The following ZFP14 variants were observed in gnomAD, a reference collection of about 807,000 sequenced individuals.
ZFP14 encodes ZFP14 zinc finger protein, also known as zinc finger protein 14 homolog.
ZFP14 carries 22 observed loss-of-function variants against 54.5 expected under a neutral mutation model. That is an observed-to-expected ratio of 0.40 (90% confidence interval 0.29 to 0.58). ZFP14 has a LOEUF of 0.58. Ranked by LOEUF, ZFP14 falls within the 20% of genes least tolerant of loss-of-function variation. The pLI is 0.39. For synonymous variants in ZFP14, 159 were observed against 204.0 expected, an observed-to-expected ratio of 0.78 and a Z score of 1.88; for missense variants, 470 against 637.8, an observed-to-expected ratio of 0.74 and a Z score of 2.83.
At chr19:36,372,052 A>AAG (rs3085984) in intron 1 of ZFP14, among the ~76,000 whole-genome samples, 96,320 of 143,046 alleles carry the variant, frequency 0.67, 32,788 homozygotes, top group African/African-American at 0.75. Flanking sequence ...AAAGAGAGGA[A>AAG]AGAAAGAAAA....
At chr19:36,371,810 A>T (rs1180363391) in intron 1 of ZFP14, among the ~76,000 whole-genome samples, 1 of 152,074 alleles carries the variant, frequency 6.6e-6, no homozygotes, top group Non-Finnish European at 1.5e-5. Context: ...TTTTAAAAAT[A>T]AGCCAGGTAT....
In ZFP14 at chr19:36,335,561, CAG is replaced by C. The variant is rs2031176423; in HGVS notation, c.*4661_*4662del. On this transcript the variant is annotated 3_prime_UTR_variant, in exon 5 of 5. Transcript: ENST00000270001. ...TTTTATAAGTATCAGATTTTTTAAA[CAG>C]GGAGTTCACACACACACACACACAC... The C allele has an allele frequency of 6.8e-6, 1 of 146,122 alleles. No individual in the cohort carries two copies. The highest frequency in any genetic ancestry group is 1.5e-5 in the Non-Finnish European group (1 of 67,752). The allele number at this position is 146,122 out of a possible 1,614,324, so 9.1% of individuals were successfully genotyped here.
intron 4 of ZFP14, among the ~76,000 whole-genome samples, chr19:36,343,830 T>C (rs1370564425): frequency 1.3e-5 from 2 of 152,050 alleles, no homozygotes; most frequent in African/African-American, 4.8e-5. Context: ...AGGTGTCTCT[T>C]TTGCTTCTTA....
At chr19:36,352,179 GT>G (rs904388027) in intron 4 of ZFP14, among the ~76,000 whole-genome samples, 3 of 136,212 alleles carry the variant, frequency 2.2e-5, no homozygotes, top group African/African-American at 8.6e-5. Context: ...GCCAGACTCT[GT>G]CTCAAAAAAA....
intron 4 of ZFP14, among the ~76,000 whole-genome samples, chr19:36,359,005 C>T (rs999314135): frequency 1.9e-4 from 29 of 152,168 alleles, no homozygotes; most frequent in Admixed American, 1.3e-3. Context: ...TGCAAAGCCT[C>T]GGAATTCAGC....
chr19:36,375,329 A>G (rs2031942785), intron 1 of ZFP14, among the ~76,000 whole-genome samples: 1 of 152,118 alleles, frequency 6.6e-6, no homozygotes, highest in Non-Finnish European at 1.5e-5. Flanking sequence ...GTGTGCCATC[A>G]TGAGATTGAT....
intron 1 of ZFP14, among the ~76,000 whole-genome samples, chr19:36,368,907 G>A (rs1600084096): frequency 6.6e-6 from 1 of 152,136 alleles, no homozygotes; most frequent in South Asian, 2.1e-4. Context: ...GCAATGGCAC[G>A]ATCTCAGCTC....
chr19:36,336,859 A>C lies in ZFP14; in HGVS notation c.*3365T>G, dbSNP rs1215082375. On this transcript the variant is annotated 3_prime_UTR_variant, in exon 5 of 5. Transcript: ENST00000270001. ...ATTATTGAAATTTCAAACACATACA[A>C]AAGTAGAAATATTAGAACAATAAGT... 1 of 152,224 alleles carries C rather than the reference A, an allele frequency of 6.6e-6. No individual in the cohort carries two copies. 9.4% of individuals were successfully genotyped at this position (152,224 alleles called of 1,614,324 possible). A position where few individuals can be genotyped will look rare whatever the true frequency, so the allele number is the denominator to read the frequency against.
rs779506619 is a variant in ZFP14, at chr19:36,362,211, T to C, written c.37A>G (p.Ile13Val). The C allele has an allele frequency of 1.1e-5, 18 of 1,611,446 alleles. No homozygotes were observed. The South Asian group carries it at 1.9e-4, about 17-fold the overall frequency. The change falls in exon 3 of 5, where the codon ATA becomes GTA. Residue 13 changes from isoleucine to valine, a missense_variant. Transcript: ENST00000270001. ...TCCCATTCTTCCTGTGAGAAGTCTA[T>C]GGCCACATCCCTGAATGTCACTGAA... ...HGSVTFRDVA[I>V]DFSQEEWEFL...
At chr19:36,369,297 A>G (rs1246628811) in intron 1 of ZFP14, among the ~76,000 whole-genome samples, 7 of 152,158 alleles carry the variant, frequency 4.6e-5, no homozygotes, top group African/African-American at 1.7e-4. Context: ...TCTCCTTTTA[A>G]TAGCTCAGGA....
intron 1 of ZFP14, among the ~76,000 whole-genome samples, chr19:36,372,758 T>C (rs1035376712): frequency 7.9e-5 from 12 of 152,232 alleles, no homozygotes; most frequent in African/African-American, 2.9e-4. Flanking sequence ...TTCATGTTTA[T>C]TATAGCATTA....
At chr19:36,363,185 TTTTC>T (rs1408442863) in intron 2 of ZFP14, among the ~76,000 whole-genome samples, 3 of 131,842 alleles carry the variant, frequency 2.3e-5, no homozygotes, top group African/African-American at 9.1e-5. Context: ...TATTCTTTTC[TTTTC>T]TTTTTTTTTT....
rs1008534779 is a variant in ZFP14, at chr19:36,341,852, AT to A, written c.236-263del. Among the ~76,000 whole-genome samples the A allele has an allele frequency of 2.8e-4, 41 of 147,284 alleles. No homozygotes were observed. The highest frequency in any genetic ancestry group is 9.9e-4 in the East Asian group (5 of 5,030). On this transcript the variant is annotated intron_variant, in intron 4 of 4. Coordinates refer to ENST00000270001, the MANE Select transcript of ZFP14 (RefSeq NM_020917.3). This position sits in a 1 kb window ranked among gnomAD's most constrained non-coding sequence, Gnocchi z 4.2. Reference sequence around the variant, plus strand: ...AATAGGCCCGGAGCAGGACCACTTAATTTTTTTTTTTTCTTTGGAGATGGAG... The same window carrying A: ...AATAGGCCCGGAGCAGGACCACTTAATTTTTTTTTTTCTTTGGAGATGGAG...
chr19:36,357,055 T>G (rs923117169), intron 4 of ZFP14, among the ~76,000 whole-genome samples: 4 of 152,178 alleles, frequency 2.6e-5, no homozygotes, highest in Non-Finnish European at 5.9e-5. Context: ...TTTATTTATT[T>G]ATTTTGAGAC....
intron 1 of ZFP14, 32 bp from the exon 2 acceptor site, chr19:36,368,003 C>T: frequency 7.6e-7 from 1 of 1,312,380 alleles, no homozygotes; most frequent in Non-Finnish European, 1.0e-6. Flanking sequence ...ATGAAATAAG[C>T]TGCGCCACAG....
chr19:36,347,526 T>C (rs1416302114), intron 4 of ZFP14, among the ~76,000 whole-genome samples: 1 of 145,950 alleles, frequency 6.9e-6, no homozygotes, highest in Non-Finnish European at 1.5e-5. Context: ...AGGAAATGAC[T>C]TGAACCCAGG....
rs150684088 is a variant in ZFP14 at position 36,334,590 on chromosome 19, C to A, written c.*5634G>T. The stretch of plus-strand genomic sequence containing the variant: ...ATCTTTTCCATTCTATAGAAAAGCA[C>A]TAACCATCCATTAAAGCAGGTAGCT... On this transcript the variant is annotated 3_prime_UTR_variant, in exon 5 of 5. Transcript: ENST00000270001. 1.3e-5 allele frequency: 2 copies of A among 152,118 alleles called. No homozygotes were observed. Among genetic ancestry groups the A allele is most frequent in the Non-Finnish European group, 2.9e-5 (2 of 68,030 alleles). 9.4% of individuals were successfully genotyped at this position (152,118 alleles called of 1,614,324 possible).
rs2031534970 is a variant in ZFP14 at position 36,352,034 on chromosome 19, A to G, written c.235+8401T>C. 1.4e-5 allele frequency among the ~76,000 whole-genome samples: 2 copies of G among 141,708 alleles called. 1 individual carries two copies. Among genetic ancestry groups the G allele is most frequent in the Non-Finnish European group, 3.1e-5 (2 of 64,018 alleles). 93.0% of individuals were successfully genotyped at this position (141,708 alleles called of 152,430 possible). ...CCGTCTCTACTAAAAATACAAAAAA[A>G]TTAGCGGGGCGTGGTGGTGAGCGCC... On this transcript the variant is annotated intron_variant, in intron 4 of 4. Transcript: ENST00000270001.
chr19:36,364,994 CTTTTTTTTTTTTTT>C (rs398034482), intron 2 of ZFP14, among the ~76,000 whole-genome samples: 13 of 61,978 alleles, frequency 2.1e-4, no homozygotes, highest in East Asian at 5.2e-4. Context: ...TTTTCTTTTT[CTTTTTTTTTTTTTT>C]TTTTTTTTTT....
Sources: gnomAD v4.1 joint callset for allele counts (sites outside exome capture counted in the v4.1 genomes callset) on GRCh38, gnomAD v4.1.1 for gene constraint, Gnocchi (gnomAD v3.1) non-coding constraint, MANE v1.5 for transcripts, NCBI Gene and HGNC (gene_info 2026-07-23, HGNC 2026-07-21) for gene names.